The following DNAH14 variants were observed in gnomAD, a reference collection of about 807,000 sequenced individuals.
DNAH14 encodes axonemal beta dynein heavy chain 14.
DNAH14 carries 478 observed loss-of-function variants against 520.9 expected under a neutral mutation model. The ratio of observed to expected loss-of-function variants is 0.92; its 90% confidence interval spans 0.85 to 0.99. The LOEUF (loss-of-function observed/expected upper bound fraction) is 0.99. Among genes scored for constraint, DNAH14 ranks in the 50% least tolerant of loss-of-function variants. DNAH14 has a pLI of 0.00. For synonymous variants in DNAH14, 1,581 were observed against 1,757.2 expected (o/e 0.90, Z 2.51); for missense variants, 4,831 against 5,234.5 (o/e 0.92, Z 2.38).
chr1:225,324,052 G>A (rs1439494464), intron 62 of DNAH14, among the ~76,000 whole-genome samples, 170 bp from the exon 63 acceptor site: 3 of 152,096 alleles, frequency 2.0e-5, no homozygotes, highest in Non-Finnish European at 4.4e-5. Context: ...CTGACCTCTG[G>A]TGACCCACCC....
chr1:225,371,994 C>T (rs1340482957), intron 77 of DNAH14, among the ~76,000 whole-genome samples: 3 of 152,094 alleles, frequency 2.0e-5, no homozygotes, highest in Non-Finnish European at 4.4e-5. Context: ...CACTAATTAT[C>T]CTCATTTTAC....
intron 38 of DNAH14, among the ~76,000 whole-genome samples, chr1:225,202,350 T>A (rs972209000): frequency 1.3e-5 from 2 of 152,116 alleles, no homozygotes; most frequent in Non-Finnish European, 2.9e-5. Context: ...AGACTCTCCT[T>A]GGGCGGGTCT....
chr1:225,367,710 CA>C, intron 76 of DNAH14, 94 bp from the exon 77 acceptor site: 1 of 814,760 alleles, frequency 1.2e-6, no homozygotes, highest in East Asian at 2.7e-5. Flanking sequence ...CATTCTTGCC[CA>C]GTTCTTTTAC....
chr1:225,318,685 T>C lies in DNAH14; in HGVS notation c.9335+8T>C. The C allele has an allele frequency of 6.5e-7, 1 of 1,537,008 alleles. No individual in the cohort carries two copies. Among genetic ancestry groups the C allele is most frequent in the South Asian group, 1.2e-5 (1 of 80,084 alleles). ...TGATGTCGCTGAATTAAGGTAACTC[T>C]CCTAAGTTTCGTTTGAGTTGGAAAA... is the stretch of plus-strand genomic sequence containing the variant. On this transcript the variant is annotated splice_region_variant and intron_variant, in intron 61 of 85. Coordinates refer to ENST00000682510, the MANE Select transcript of DNAH14 (RefSeq NM_001367479.1).
intron 42 of DNAH14, among the ~76,000 whole-genome samples, chr1:225,234,425 T>C (rs1400601059): frequency 6.6e-6 from 1 of 152,142 alleles, no homozygotes; most frequent in Non-Finnish European, 1.5e-5. Context: ...CCTGACCTCA[T>C]GATCCGCCCA....
At chr1:225,023,511 A>G (rs2065875780) in intron 10 of DNAH14, 104 bp from the exon 11 acceptor site, 13 of 887,834 alleles carry the variant, frequency 1.5e-5, no homozygotes, top group Non-Finnish European at 2.1e-5. Context: ...TCAATTCTTA[A>G]CATTCACATC....
chr1:225,206,747 A>G (rs778054662), intron 40 of DNAH14, among the ~76,000 whole-genome samples: 8 of 152,138 alleles, frequency 5.3e-5, no homozygotes, highest in Non-Finnish European at 1.2e-4. Context: ...CCTACACATA[A>G]TACCCCAATT....
chr1:225,338,272 C>T lies in DNAH14; in HGVS notation c.10433+90C>T, dbSNP rs750216540. ...CTTGTATTTCAGTCCTGTCAAGCTT[C>T]TACATGGAGGAAAAAGTAAGATTGT... On this transcript the variant is annotated intron_variant, in intron 68 of 85. Coordinates refer to ENST00000682510, the MANE Select transcript of DNAH14 (RefSeq NM_001367479.1). 5 of 1,432,972 alleles carry T rather than the reference C, an allele frequency of 3.5e-6. No homozygotes were observed. The South Asian group carries it at 6.1e-5, about 18-fold the overall frequency. The allele number at this position is 1,432,972 out of a possible 1,614,324, so 88.8% of individuals were successfully genotyped here.
chr1:225,165,272 G>A (rs148836747), intron 35 of DNAH14, among the ~76,000 whole-genome samples: 5 of 151,804 alleles, frequency 3.3e-5, no homozygotes, highest in East Asian at 3.9e-4. Flanking sequence ...CTTTCTCTTC[G>A]TATGCCCTTA....
intron 2 of DNAH14, among the ~76,000 whole-genome samples, chr1:224,953,713 G>C (rs1037276128): frequency 6.6e-6 from 1 of 152,170 alleles, no homozygotes; most frequent in Non-Finnish European, 1.5e-5. Flanking sequence ...TAATGGTGCT[G>C]TGACAATTGT....
chr1:224,960,266 G>C lies in DNAH14; in HGVS notation c.331G>C (p.Val111Leu). 1 of 1,610,756 alleles carries C rather than the reference G, an allele frequency of 6.2e-7. No individual in the cohort carries two copies. The highest frequency in any genetic ancestry group is 8.5e-7 in the Non-Finnish European group (1 of 1,178,540). The change falls in exon 4 of 86, where the codon GTT becomes CTT. Residue 111 changes from valine (V) to leucine (L), a missense_variant. By Grantham distance (32) the Val-to-Leu change is conservative. Coordinates refer to ENST00000682510, the MANE Select transcript of DNAH14 (RefSeq NM_001367479.1). ...KKDQTHACPN[V>L]RKARPVSYDR... ...GGATCAAACTCATGCTTGTCCAAAT[G>C]TTAGGAAAGCCAGGCCTGTGTCCTA... is the stretch of plus-strand genomic sequence containing the variant.
chr1:225,393,842 G>A (rs564643667), intron 84 of DNAH14, among the ~76,000 whole-genome samples: 35 of 148,304 alleles, frequency 2.4e-4, no homozygotes, highest in African/African-American at 8.0e-4. Context: ...TTTTTGAGAC[G>A]GAGTCTTGCT....
At chr1:225,364,579 T>A (rs1366712651) in intron 75 of DNAH14, among the ~76,000 whole-genome samples, 1 of 146,782 alleles carries the variant, frequency 6.8e-6, no homozygotes, top group Admixed American at 7.0e-5. Context: ...GATCACTTTT[T>A]GTACTTAGGG....
At chr1:224,937,645 G>A (rs958771759) in intron 1 of DNAH14, among the ~76,000 whole-genome samples, 4 of 151,920 alleles carry the variant, frequency 2.6e-5, no homozygotes, top group Non-Finnish European at 5.9e-5. Context: ...TACATATTCA[G>A]TGCAGTCCCT....
chr1:225,335,140 C>CACATGTGT (rs1222314025), intron 66 of DNAH14, among the ~76,000 whole-genome samples: 1 of 109,228 alleles, frequency 9.2e-6, no homozygotes, highest in African/African-American at 4.0e-5. Flanking sequence ...TGTGCATGTG[C>CACATGTGT]ACATGTGTAC....
rs1456841411 is a variant in DNAH14, at chr1:225,152,839, C to T, written c.5152C>T (p.Leu1718=). Residue 1718 remains leucine (L), a synonymous_variant, in exon 33 of 86, where the codon CTA becomes TTA. Transcript: ENST00000682510. ...ATCTGCAAATTCACTCTCTGGAAAG[C>T]TAACTAACCTTTATGAATTAGCGCG... The part of the protein sequence containing the change: ...FKSANSLSGK[L]TNLYELARKQ... The T allele has an allele frequency of 6.4e-7, 1 of 1,550,996 alleles. No homozygotes were observed. Among genetic ancestry groups the T allele is most frequent in the East Asian group, 2.4e-5 (1 of 40,916 alleles).
In DNAH14 at chr1:225,277,507, G is replaced by T. The variant is rs1166810046; in HGVS notation, c.8271+5G>T. 1 of 470,460 alleles carries T rather than the reference G, an allele frequency of 2.1e-6. No homozygotes were observed. Among genetic ancestry groups the T allele is most frequent in the Non-Finnish European group, 4.4e-6 (1 of 226,846 alleles). The allele number at this position is 470,460 out of a possible 1,614,324, so 29.1% of individuals were successfully genotyped here. The stretch of plus-strand genomic sequence containing the variant: ...CCAGGGAGTCACATGTTACTGGTAG[G>T]AATTTAAATTTTTCAAGTGGTTTTA... On this transcript the variant is annotated splice_donor_5th_base_variant and intron_variant, in intron 54 of 85. Transcript: ENST00000682510.
intron 37 of DNAH14, among the ~76,000 whole-genome samples, chr1:225,188,454 C>T (rs34304596): frequency 0.13 from 19,391 of 151,822 alleles, 1,393 homozygotes; most frequent in East Asian, 0.31. Context: ...TAACATCTTA[C>T]TGTGCCTAAT....
intron 60 of DNAH14, among the ~76,000 whole-genome samples, chr1:225,316,426 G>A (rs1023573784): frequency 6.6e-6 from 1 of 152,218 alleles, no homozygotes; most frequent in African/African-American, 2.4e-5. Flanking sequence ...AGCTAGTTTG[G>A]TGTCTGCCCA....
Sources: allele counts gnomAD v4.1 joint callset (sites outside exome capture counted in the v4.1 genomes callset), GRCh38; gene constraint gnomAD v4.1.1; transcripts MANE v1.5; gene names NCBI Gene and HGNC (gene_info 2026-07-23, HGNC 2026-07-21).